Variants in SYTL2 observed in about 807,000 individuals in gnomAD.
The protein encoded by SYTL2 is synaptotagmin-like protein 2.
Under a neutral mutation model 198.7 loss-of-function variants are expected in SYTL2, and 165 were observed. That is an observed-to-expected ratio of 0.83 (90% confidence interval 0.73 to 0.94). The LOEUF is 0.94. Among genes scored for constraint, SYTL2 ranks in the 40% least tolerant of loss-of-function variants. The probability of loss-of-function intolerance (pLI) is 0.00; values close to 1 mark genes in which losing one functional copy is unlikely to be tolerated. For missense variants in SYTL2, 2,835 were observed against 2,582.8 expected (o/e 1.10, Z -2.12); for synonymous variants, 966 against 917.7 (o/e 1.05, Z -0.95).
chr11:85,810,955 T>A lies in SYTL2; in HGVS notation c.-391A>T, dbSNP rs1222992174. The A allele has an allele frequency of 6.6e-6, 1 of 152,210 alleles. No individual in the cohort carries two copies. Among genetic ancestry groups the A allele is most frequent in the Non-Finnish European group, 1.5e-5 (1 of 68,060 alleles). The allele number at this position is 152,210 out of a possible 1,614,324, so 9.4% of individuals were successfully genotyped here. A position where few individuals can be genotyped will look rare whatever the true frequency, so the allele number is the denominator to read the frequency against. The stretch of plus-strand genomic sequence containing the variant: ...AGAGACTGGAACCCGAGTGCGCACC[T>A]CCGAGTCGCTGCCGGGCAGGGAGCG... On this transcript the variant is annotated splice_region_variant and 5_prime_UTR_variant, in exon 1 of 20. Transcript: ENST00000359152.
intron 1 of SYTL2, among the ~76,000 whole-genome samples, chr11:85,789,368 A>ATG (rs2092693827): frequency 4.6e-4 from 24 of 52,352 alleles, no homozygotes; most frequent in Non-Finnish European, 6.8e-4. Flanking sequence ...ATATATATAT[A>ATG]TATATATATG....
At chr11:85,748,705 T>C (rs1046084808) in intron 2 of SYTL2, among the ~76,000 whole-genome samples, 3 of 152,252 alleles carry the variant, frequency 2.0e-5, no homozygotes, top group African/African-American at 4.8e-5. Flanking sequence ...CATTCTTCAG[T>C]GTCTGCTGTT....
At chr11:85,853,527 A>C in the SYTL2 span, 1 of 234,436 alleles carries the variant, frequency 4.3e-6, no homozygotes, top group African/African-American at 2.4e-5. Context: ...ACACTGCGGA[A>C]GGCCACAGGG....
At chr11:85,755,041 G>C (rs1244659854) in intron 2 of SYTL2, among the ~76,000 whole-genome samples, 2 of 152,092 alleles carry the variant, frequency 1.3e-5, no homozygotes, top group African/African-American at 4.8e-5. Flanking sequence ...AAATTTCATA[G>C]TTATTAGGCT....
intron 16 of SYTL2, 82 bp from the exon 17 acceptor site, chr11:85,700,675 T>A (rs530877774): frequency 4.9e-6 from 5 of 1,027,610 alleles, no homozygotes; most frequent in East Asian, 2.4e-5. Context: ...CAGAACCATA[T>A]CTGTCCCATT....
rs190912157 is a variant in SYTL2, at chr11:85,726,770, T to A, written c.2588A>T (p.Asp863Val). 6.5e-7 allele frequency: 1 copy of A among 1,536,070 alleles called. No homozygotes were observed. Among genetic ancestry groups the A allele is most frequent in the African/African-American group, 1.4e-5 (1 of 73,034 alleles). Residue 863 changes from aspartate to valine, a missense_variant, in exon 8 of 20, where the codon GAT (aspartate) becomes GTT (valine). Physicochemically the swap from Asp to Val is radical, Grantham distance 152 (BLOSUM62 -3). Coordinates refer to ENST00000359152, the MANE Select transcript of SYTL2 (RefSeq NM_206927.4). ...AGAATTGGAGAGCTGGGATGCTTGA[T>A]CATCCTCATCTAAGACCACTCGTTT... ...IPKRVVLDED[D>V]QASQLSNSYS... is the part of the protein sequence containing the mutation.
intron 4 of SYTL2, among the ~76,000 whole-genome samples, chr11:85,738,218 A>G (rs2090508262): frequency 6.6e-6 from 1 of 152,136 alleles, no homozygotes; most frequent in South Asian, 2.1e-4. Context: ...GTTGTCACTA[A>G]AACCATGGGC....
intron 10 of SYTL2, 77 bp downstream of exon 10, chr11:85,718,713 G>A: frequency 7.4e-7 from 1 of 1,345,458 alleles, no homozygotes. Context: ...TTACCCAACA[G>A]CTGCGTCCCG....
chr11:85,853,271 A>C, the SYTL2 span: 1 of 436,148 alleles, frequency 2.3e-6, no homozygotes, highest in Non-Finnish European at 4.6e-6. Flanking sequence ...CCGTGTCTTG[A>C]GTAGAAAAAA....
At chr11:85,790,879 G>T (rs554675303) in intron 1 of SYTL2, among the ~76,000 whole-genome samples, 1 of 152,014 alleles carries the variant, frequency 6.6e-6, no homozygotes, top group Non-Finnish European at 1.5e-5. Context: ...AGAAATATCA[G>T]TAGGCTGGGC....
intron 1 of SYTL2, among the ~76,000 whole-genome samples, chr11:85,788,720 C>A (rs2092676098): frequency 6.6e-6 from 1 of 151,572 alleles, no homozygotes; most frequent in Admixed American, 6.6e-5. Context: ...TGTAGAAGGC[C>A]TCTAGGATGA....
chr11:85,746,333 C>G (rs368343268), intron 3 of SYTL2, among the ~76,000 whole-genome samples: 1 of 152,178 alleles, frequency 6.6e-6, no homozygotes, highest in Admixed American at 6.5e-5. Flanking sequence ...GTCAGAGCCC[C>G]CATAAAACCT....
At chr11:85,783,872 C>G (rs1436476584) in intron 1 of SYTL2, among the ~76,000 whole-genome samples, 2 of 152,168 alleles carry the variant, frequency 1.3e-5, no homozygotes, top group South Asian at 2.1e-4. Flanking sequence ...ATTTTTCAGT[C>G]CTTGGCTCTT....
At chr11:85,699,786 C>A (rs1352709462) in intron 17 of SYTL2, among the ~76,000 whole-genome samples, 1 of 152,178 alleles carries the variant, frequency 6.6e-6, no homozygotes, top group Non-Finnish European at 1.5e-5. Flanking sequence ...AAGGAGCTGG[C>A]TGGCATTCAT....
intron 1 of SYTL2, among the ~76,000 whole-genome samples, chr11:85,764,269 C>T (rs2092178674): frequency 6.6e-6 from 1 of 152,224 alleles, no homozygotes; most frequent in Non-Finnish European, 1.5e-5. Flanking sequence ...CTCTAAGCCT[C>T]TCATGATCTT....
chr11:85,777,147 G>C (rs1278797962), intron 1 of SYTL2, among the ~76,000 whole-genome samples: 1 of 152,212 alleles, frequency 6.6e-6, no homozygotes, highest in Non-Finnish European at 1.5e-5. Flanking sequence ...TGAAGAAGTG[G>C]ACATTCTTTA....
Position 85,811,095 on chromosome 11 carries a change from C to G in SYTL2, c.-531G>C, listed in dbSNP as rs1301782161. On this transcript the variant is annotated 5_prime_UTR_variant, in exon 1 of 20. Coordinates refer to ENST00000359152, the MANE Select transcript of SYTL2 (RefSeq NM_206927.4). ...CCGGGCAAGGCGTTGCGAGCCTTCA[C>G]TCTCCCGACGGACGCTGGCGGCACG... The G allele has an allele frequency of 6.6e-6, 1 of 152,222 alleles. No homozygotes were observed. Among genetic ancestry groups the G allele is most frequent in the Admixed American group, 6.5e-5 (1 of 15,288 alleles). The allele number at this position is 152,222 out of a possible 1,614,324, so 9.4% of individuals were successfully genotyped here. A position where few individuals can be genotyped will look rare whatever the true frequency, so the allele number is the denominator to read the frequency against.
At chr11:85,845,701 G>A in the SYTL2 span, among the ~76,000 whole-genome samples, 2 of 152,212 alleles carry the variant, frequency 1.3e-5, no homozygotes, top group Admixed American at 1.3e-4. Context: ...GAGGTCAGGA[G>A]ATCGAGACCA....
chr11:85,772,967 T>C (rs2092385070), intron 1 of SYTL2, among the ~76,000 whole-genome samples: 2 of 152,192 alleles, frequency 1.3e-5, no homozygotes, highest in Non-Finnish European at 2.9e-5. Flanking sequence ...GTCCCCATGA[T>C]AAATCCTTGG....
Sources: gnomAD v4.1 joint callset for allele counts (sites outside exome capture counted in the v4.1 genomes callset) on GRCh38, gnomAD v4.1.1 for gene constraint, MANE v1.5 for transcripts, NCBI Gene and HGNC (gene_info 2026-07-23, HGNC 2026-07-21) for gene names.